The following SND1 variants were observed in gnomAD, a reference collection of about 807,000 sequenced individuals.
The protein encoded by SND1 is staphylococcal nuclease domain-containing protein 1.
In SND1, 38 loss-of-function variants were observed where a neutral mutation model predicts 121.7. The observed-to-expected ratio is 0.31, with a 90% CI of 0.24 to 0.41. The LOEUF (loss-of-function observed/expected upper bound fraction) is 0.41, where lower values mean the gene tolerates loss of function less well. Among genes scored for constraint, SND1 ranks in the 10% least tolerant of loss-of-function variants. The probability of loss-of-function intolerance (pLI) is 1.00; values close to 1 mark genes in which losing one functional copy is unlikely to be tolerated. For synonymous variants in SND1, 401 were observed against 447.4 expected, an observed-to-expected ratio of 0.90 and a Z score of 1.31; for missense variants, 868 against 1,184.6, an observed-to-expected ratio of 0.73 and a Z score of 3.92.
At chr7:128,074,227 T>C (rs184398350) in intron 16 of SND1, among the ~76,000 whole-genome samples, 1 of 150,076 alleles carries the variant, frequency 6.7e-6, no homozygotes, top group South Asian at 2.1e-4. Flanking sequence ...TCAGCTGCGC[T>C]CTCTCTCTCT....
chr7:127,739,056 T>G (rs1796830223), intron 10 of SND1, among the ~76,000 whole-genome samples: 1 of 152,226 alleles, frequency 6.6e-6, no homozygotes, highest in South Asian at 2.1e-4. Flanking sequence ...TGGCTCCCTC[T>G]GGTTCAGTTC....
intron 1 of SND1, among the ~76,000 whole-genome samples, chr7:127,675,895 A>C (rs1795607157): frequency 6.6e-6 from 1 of 152,186 alleles, no homozygotes; most frequent in Admixed American, 6.5e-5. Flanking sequence ...TTGATCTCCC[A>C]GGTCCTTGGC....
At chr7:127,996,622 C>T (rs1383305331) in intron 16 of SND1, among the ~76,000 whole-genome samples, 1 of 152,174 alleles carries the variant, frequency 6.6e-6, no homozygotes, top group East Asian at 1.9e-4. Context: ...GAGGGTGAAT[C>T]CAGTGCAACC....
chr7:127,751,185 C>G (rs1394176074), intron 10 of SND1, among the ~76,000 whole-genome samples: 1 of 151,956 alleles, frequency 6.6e-6, no homozygotes, highest in African/African-American at 2.4e-5. Context: ...GAAAGCCATT[C>G]AGTCTTCCCT....
At chr7:128,071,445 T>G (rs551151433) in intron 16 of SND1, among the ~76,000 whole-genome samples, 17 of 152,344 alleles carry the variant, frequency 1.1e-4, no homozygotes, top group Admixed American at 9.1e-4. Context: ...GTGTCTATCT[T>G]TTAATTAAGA....
chr7:127,727,117 G>A (rs2116401788), intron 10 of SND1, among the ~76,000 whole-genome samples: 1 of 152,272 alleles, frequency 6.6e-6, no homozygotes. Context: ...TCACACCAGG[G>A]CCTCCAAATA....
intron 11 of SND1, among the ~76,000 whole-genome samples, chr7:127,826,345 A>G (rs904828174): frequency 7.9e-5 from 12 of 151,894 alleles, no homozygotes; most frequent in African/African-American, 2.9e-4. Flanking sequence ...TTTTTGAACT[A>G]TGGTGATGTG....
At chr7:127,773,577 G>A (rs1344920599) in intron 10 of SND1, among the ~76,000 whole-genome samples, 1 of 150,464 alleles carries the variant, frequency 6.6e-6, no homozygotes, top group African/African-American at 2.4e-5. Flanking sequence ...TTTGCATTTT[G>A]TCAGCCATTT....
rs1294558338 is a variant in SND1 at position 127,804,753 on chromosome 7, A to AG, written c.1153-2731_1153-2730insG. 5.9e-5 allele frequency among the ~76,000 whole-genome samples: 9 copies of AG among 152,036 alleles called. No individual in the cohort carries two copies. The East Asian group carries it at 1.8e-3, about 30-fold the overall frequency. Reference sequence around the variant, plus strand: ...AGACCCCATATCTTTAAAAAAAAAAAAATGTAGGTAAGTTGCAGGATTTTG... The same window carrying AG: ...AGACCCCATATCTTTAAAAAAAAAAAGAATGTAGGTAAGTTGCAGGATTTTG... On this transcript the variant is annotated intron_variant, in intron 10 of 23. Coordinates refer to ENST00000354725, the MANE Select transcript of SND1 (RefSeq NM_014390.4).
chr7:127,903,885 A>G (rs1225539791), intron 13 of SND1, among the ~76,000 whole-genome samples: 1 of 152,174 alleles, frequency 6.6e-6, no homozygotes, highest in Non-Finnish European at 1.5e-5. Flanking sequence ...CATAGACAAG[A>G]TTTGTGGGAA....
At chr7:127,796,258 T>C (rs1193090738) in intron 10 of SND1, among the ~76,000 whole-genome samples, 1 of 152,130 alleles carries the variant, frequency 6.6e-6, no homozygotes, top group African/African-American at 2.4e-5. Flanking sequence ...TTCTATGAAT[T>C]TGCTAACAAT....
At chr7:127,689,510 A>G (rs943963768) in intron 2 of SND1, among the ~76,000 whole-genome samples, 2 of 152,218 alleles carry the variant, frequency 1.3e-5, no homozygotes, top group Non-Finnish European at 2.9e-5. Context: ...GCAGAGAAAT[A>G]CAAGGCCAGT....
chr7:127,749,298 C>G (rs1032143328), intron 10 of SND1, among the ~76,000 whole-genome samples: 1 of 152,114 alleles, frequency 6.6e-6, no homozygotes, highest in African/African-American at 2.4e-5. Context: ...AAAAGCTTTC[C>G]TGATTCAGAT....
intron 11 of SND1, among the ~76,000 whole-genome samples, chr7:127,825,166 A>G (rs1798619935): frequency 6.6e-6 from 1 of 152,160 alleles, no homozygotes; most frequent in Non-Finnish European, 1.5e-5. Context: ...GCTGGAGTGC[A>G]ATGGCGCGAT....
Position 128,028,951 on chromosome 7 carries a change from G to A in SND1, c.1779+37895G>A. The A allele has an allele frequency of 1.2e-6, 2 of 1,607,956 alleles. No individual in the cohort carries two copies. Among genetic ancestry groups the A allele is most frequent in the East Asian group, 2.2e-5 (1 of 44,738 alleles). On this transcript the variant is annotated intron_variant, in intron 16 of 23. Coordinates refer to ENST00000354725, the MANE Select transcript of SND1 (RefSeq NM_014390.4). Reference sequence around the variant, plus strand: ...TCCACCTGGATTATCTCAACAGTCCGGGCGGCTGTGACTGTACTCCGCTGC... The same window carrying A: ...TCCACCTGGATTATCTCAACAGTCCAGGCGGCTGTGACTGTACTCCGCTGC...
rs1159299978 is a variant in SND1 at position 128,029,340 on chromosome 7, T to C, written c.1779+38284T>C. On this transcript the variant is annotated intron_variant, in intron 16 of 23. Coordinates refer to ENST00000354725, the MANE Select transcript of SND1 (RefSeq NM_014390.4). This position sits in a 1 kb window ranked among gnomAD's most constrained non-coding sequence, Gnocchi z 4.2. ...GCTCACATTGAGGTAGGCCGAGGCG[T>C]TGGAGTTGCCTGCAACATTGGTCAC... The C allele has an allele frequency of 6.2e-7, 1 of 1,614,146 alleles. No homozygotes were observed. The highest frequency in any genetic ancestry group is 1.3e-5 in the African/African-American group (1 of 75,016).
At chr7:127,918,842 A>G (rs148909681) in intron 14 of SND1, among the ~76,000 whole-genome samples, 280 of 152,338 alleles carry the variant, frequency 1.8e-3, no homozygotes, top group African/African-American at 6.4e-3. Flanking sequence ...AATAGCATAT[A>G]TTTTTTAACA....
intron 2 of SND1, among the ~76,000 whole-genome samples, chr7:127,687,654 T>G (rs890005572): frequency 6.6e-6 from 1 of 152,076 alleles, no homozygotes; most frequent in Non-Finnish European, 1.5e-5. Context: ...GTGATTTCAG[T>G]ATTTTTTTAT....
At chr7:127,652,901 A>T (rs1795147224) in intron 1 of SND1, among the ~76,000 whole-genome samples, 1 of 151,402 alleles carries the variant, frequency 6.6e-6, no homozygotes, top group South Asian at 2.1e-4. Flanking sequence ...CTGTTACTTG[A>T]CTCCCAAGTT....
Sources: allele counts gnomAD v4.1 joint callset (sites outside exome capture counted in the v4.1 genomes callset), GRCh38; gene constraint gnomAD v4.1.1; non-coding constraint Gnocchi (gnomAD v3.1); transcripts MANE v1.5; gene names NCBI Gene and HGNC (gene_info 2026-07-23, HGNC 2026-07-21).